The following GMPR variants were observed in gnomAD, a reference collection of about 807,000 sequenced individuals.
GMPR encodes guanosine monophosphate reductase.
GMPR carries 31 observed loss-of-function variants against 38.4 expected under a neutral mutation model. The ratio of observed to expected loss-of-function variants is 0.81; its 90% CI spans 0.61 to 1.09. GMPR has a LOEUF of 1.09. Among genes scored for constraint, GMPR ranks in the 50% least tolerant of loss-of-function variants. The pLI, the probability that GMPR is intolerant of heterozygous loss-of-function variation, is 0.00. For missense variants in GMPR, 468 were observed against 453.7 expected, an observed-to-expected ratio of 1.03 and a Z score of -0.29; for synonymous variants, 162 against 173.3, an observed-to-expected ratio of 0.93 and a Z score of 0.51.
At chr6:16,254,936 A>G (rs2113675170) in intron 4 of GMPR, among the ~76,000 whole-genome samples, 1 of 152,188 alleles carries the variant, frequency 6.6e-6, no homozygotes, top group Non-Finnish European at 1.5e-5. Context: ...AAAAAATAAA[A>G]TCCCCATCAA....
intron 8 of GMPR, among the ~76,000 whole-genome samples, chr6:16,291,476 G>A (rs1366036393): frequency 1.3e-5 from 2 of 151,934 alleles, no homozygotes; most frequent in Admixed American, 6.6e-5. Flanking sequence ...CACCCACCTC[G>A]ACCTCCCAAA....
At chr6:16,285,017 C>CAAAAAAA (rs1230598044) in intron 6 of GMPR, among the ~76,000 whole-genome samples, 1 of 35,098 alleles carries the variant, frequency 2.8e-5, no homozygotes, top group Non-Finnish European at 5.7e-5. Context: ...GAGACTGTCT[C>CAAAAAAA]AAAAAAAAAA....
intron 1 of GMPR, among the ~76,000 whole-genome samples, chr6:16,244,985 C>T (rs565247192): frequency 2.6e-5 from 4 of 152,154 alleles, no homozygotes; most frequent in African/African-American, 7.2e-5. Context: ...TGATCTCAGC[C>T]GGGTGCAGAG....
intron 4 of GMPR, among the ~76,000 whole-genome samples, chr6:16,260,188 A>G (rs866081121): frequency 0.063 from 9,520 of 151,902 alleles, 614 homozygotes; most frequent in African/African-American, 0.17. Context: ...AGCTTGGTGA[A>G]GTGTGTTTTT....
intron 7 of GMPR, chr6:16,289,904 C>T (rs1759803694): frequency 9.1e-6 from 1 of 110,362 alleles, no homozygotes; most frequent in South Asian, 3.1e-4. Flanking sequence ...GAGTCTCCCT[C>T]TGTTGCCCAG....
At chr6:16,277,152 A>G (rs1287956827) in intron 5 of GMPR, among the ~76,000 whole-genome samples, 1 of 152,130 alleles carries the variant, frequency 6.6e-6, no homozygotes, top group Non-Finnish European at 1.5e-5. Flanking sequence ...CCTTCGTGGG[A>G]ATGAGACTTC....
At chr6:16,282,505 T>A (rs1561833201) in intron 6 of GMPR, among the ~76,000 whole-genome samples, 1 of 152,216 alleles carries the variant, frequency 6.6e-6, no homozygotes, top group African/African-American at 2.4e-5. Flanking sequence ...GGTTCTAAAC[T>A]TGTTTTTCCA....
chr6:16,293,192 C>T (rs1010769193), intron 8 of GMPR, among the ~76,000 whole-genome samples: 14 of 152,174 alleles, frequency 9.2e-5, no homozygotes, highest in African/African-American at 2.2e-4. Flanking sequence ...CTTCATTTTA[C>T]GGATGAGCAG....
At chr6:16,285,638 G>A (rs1387233770) in intron 6 of GMPR, among the ~76,000 whole-genome samples, 155 bp from the exon 7 acceptor site, 1 of 152,224 alleles carries the variant, frequency 6.6e-6, no homozygotes, top group Non-Finnish European at 1.5e-5. Context: ...CACTCGATCA[G>A]ACAACAACAG....
At chr6:16,289,417 T>A (rs79989301) in intron 7 of GMPR, 1 of 152,144 alleles carries the variant, frequency 6.6e-6, no homozygotes, top group South Asian at 2.1e-4. Context: ...GTTTTTACTT[T>A]TTTGACAGCT....
chr6:16,278,048 C>G (rs1759506274), intron 5 of GMPR, among the ~76,000 whole-genome samples: 2 of 152,114 alleles, frequency 1.3e-5, no homozygotes, highest in Admixed American at 6.5e-5. Context: ...TGGGGCTGAC[C>G]GTGGGACAGG....
Position 16,290,532 on chromosome 6 carries a change from T to C in GMPR, c.768T>C (p.Phe256=). 1 of 1,613,928 alleles carries C rather than the reference T, an allele frequency of 6.2e-7. No individual in the cohort carries two copies. The highest frequency in any genetic ancestry group is 8.5e-7 in the Non-Finnish European group (1 of 1,179,876). The stretch of plus-strand genomic sequence containing the variant: ...ATACGGAGTGTGCTGGAGAAGTGTT[T>C]GAGAGGAACGGACGGAAGCTCAAGC... ...SGHTECAGEV[F]ERNGRKLKLF... The change falls in exon 8 of 9, where the codon TTT becomes TTC. Residue 256 remains phenylalanine, a synonymous_variant. Coordinates refer to ENST00000259727, the MANE Select transcript of GMPR (RefSeq NM_006877.4).
chr6:16,278,634 G>C (rs1759520810), intron 5 of GMPR, 150 bp from the exon 6 acceptor site: 7 of 695,286 alleles, frequency 1.0e-5, no homozygotes, highest in Non-Finnish European at 1.0e-5. Flanking sequence ...CCATCGTGCA[G>C]ATGGGGCAGC....
chr6:16,258,964 GTCGCTCCCTGTGCCC>G (rs1469407466), intron 4 of GMPR: 2 of 152,222 alleles, frequency 1.3e-5, no homozygotes, highest in Non-Finnish European at 2.9e-5. Flanking sequence ...GTGAGGGCTT[GTCGCTCCCTGTGCCC>G]AGTTTCTCCT....
intron 1 of GMPR, among the ~76,000 whole-genome samples, chr6:16,240,618 C>T (rs1048738046): frequency 1.1e-4 from 17 of 152,150 alleles, no homozygotes; most frequent in African/African-American, 4.1e-4. Context: ...CCTGGACAAC[C>T]CTGTCTCTAA....
chr6:16,249,351 G>A (rs1445880205), intron 2 of GMPR, among the ~76,000 whole-genome samples: 1 of 151,788 alleles, frequency 6.6e-6, no homozygotes, highest in Admixed American at 6.6e-5. Flanking sequence ...TTTGTATTTA[G>A]TAGAGATGGG....
intron 7 of GMPR, among the ~76,000 whole-genome samples, chr6:16,286,690 C>T (rs1484353492): frequency 6.6e-6 from 1 of 151,922 alleles, no homozygotes. Context: ...GTGGGCAGAT[C>T]ACTTGAAACC....
chr6:16,277,399 G>A (rs937458063), intron 5 of GMPR, among the ~76,000 whole-genome samples: 2 of 152,160 alleles, frequency 1.3e-5, no homozygotes, highest in African/African-American at 2.4e-5. Context: ...ATTAGGCTGC[G>A]CCTCAAAGCA....
At chr6:16,260,597 T>C (rs545866678) in intron 4 of GMPR, among the ~76,000 whole-genome samples, 3 of 152,124 alleles carry the variant, frequency 2.0e-5, no homozygotes, top group Admixed American at 1.3e-4. Flanking sequence ...GAATAGCAGA[T>C]GGAACACTGA....
Sources: allele counts gnomAD v4.1 joint callset (sites outside exome capture counted in the v4.1 genomes callset), GRCh38; gene constraint gnomAD v4.1.1; transcripts MANE v1.5; gene names NCBI Gene and HGNC (gene_info 2026-07-23, HGNC 2026-07-21).